Variants in GRM4 observed in about 807,000 individuals in gnomAD.
GRM4 encodes the protein glutamate metabotropic receptor 4.
In GRM4, 28 loss-of-function variants were observed where a neutral mutation model predicts 81.7. The observed-to-expected ratio is 0.34, with a 90% CI of 0.25 to 0.47. GRM4 has a LOEUF of 0.47. GRM4 is among the 20% of genes least tolerant of loss of function. The pLI, the probability that GRM4 is intolerant of heterozygous loss-of-function variation, is 1.00. For missense variants in GRM4, 948 were observed against 1,290.0 expected (o/e 0.73, Z 4.06); for synonymous variants, 488 against 528.8 (o/e 0.92, Z 1.06).
chr6:34,071,374 C>G (rs9461952), intron 3 of GRM4, among the ~76,000 whole-genome samples: 50,188 of 107,770 alleles, frequency 0.47, 13,332 homozygotes, highest in African/African-American at 0.77. Context: ...TCACCACACA[C>G]ATACACACCA....
rs561823049 is a variant in GRM4 at position 34,064,591 on chromosome 6, C to T, written c.737-2563G>A. Among the ~76,000 whole-genome samples the T allele has an allele frequency of 2.0e-5, 3 of 152,278 alleles. No homozygotes were observed. Among genetic ancestry groups the T allele is most frequent in the Admixed American group, 6.5e-5 (1 of 15,306 alleles). ...CCCCCAGGATGAGAAACCAAGTGCC[C>T]GTGGGTTCCCTCTGTTTCACAGCCC... is the stretch of plus-strand genomic sequence containing the variant. On this transcript the variant is annotated intron_variant, in intron 3 of 10. Transcript: ENST00000538487. The surrounding 1 kb of genome is among the most constrained non-coding windows in gnomAD (Gnocchi z 4.4).
chr6:34,058,047 G>A (rs577249358), intron 5 of GRM4, among the ~76,000 whole-genome samples: 10 of 152,296 alleles, frequency 6.6e-5, no homozygotes, highest in African/African-American at 2.2e-4. Flanking sequence ...TGAGAGGACC[G>A]GGGCTGGGCA....
At chr6:34,044,997 AAC>A (rs578082963) in intron 6 of GRM4, among the ~76,000 whole-genome samples, 52 of 151,844 alleles carry the variant, frequency 3.4e-4, no homozygotes, top group African/African-American at 1.1e-3. Flanking sequence ...CACTGAAATA[AAC>A]ACACACACAC....
Position 34,069,210 on chromosome 6 carries a change from G to GCA in GRM4, c.737-7184_737-7183dup, listed in dbSNP as rs1334023312. 3.6e-5 allele frequency among the ~76,000 whole-genome samples: 5 copies of GCA among 137,802 alleles called. No individual in the cohort carries two copies. Among genetic ancestry groups the GCA allele is most frequent in the South Asian group, 4.6e-4 (2 of 4,336 alleles). The allele number at this position is 137,802 out of a possible 152,430, so 90.4% of individuals were successfully genotyped here. ...CACACACACACACACACACACGCAC[G>GCA]CACACACGGCTCCTTCCTTCTGACT... On this transcript the variant is annotated intron_variant, in intron 3 of 10. Transcript: ENST00000538487. The surrounding 1 kb of genome is among the most constrained non-coding windows in gnomAD (Gnocchi z 6.4).
rs1205694848 is a variant in GRM4 at position 34,089,953 on chromosome 6, A to G, written c.736+1930T>C. On this transcript the variant is annotated intron_variant, in intron 3 of 10. Transcript: ENST00000538487. The surrounding 1 kb of genome is among the most constrained non-coding windows in gnomAD (Gnocchi z 4.3). ...AATGACAGAAGACAGAGAAGACAAG[A>G]GTACAGAAACAGATGAGACCTCTAG... Among the ~76,000 whole-genome samples, 1 of 152,184 alleles carries G rather than the reference A, an allele frequency of 6.6e-6. No individual in the cohort carries two copies. Among genetic ancestry groups the G allele is most frequent in the East Asian group, 1.9e-4 (1 of 5,190 alleles).
chr6:34,055,286 C>T (rs1765812883), intron 6 of GRM4: 1 of 152,234 alleles, frequency 6.6e-6, no homozygotes, highest in East Asian at 1.9e-4. Flanking sequence ...AAGTCATGTG[C>T]CACAGGTGTA....
At chr6:34,046,642 CA>C (rs1323914629) in intron 6 of GRM4, among the ~76,000 whole-genome samples, 2 of 152,206 alleles carry the variant, frequency 1.3e-5, no homozygotes, top group Non-Finnish European at 2.9e-5. Context: ...GGGCTGCTCT[CA>C]GGGGCATGAG....
intron 2 of GRM4, among the ~76,000 whole-genome samples, chr6:34,117,095 T>C (rs1193412277): frequency 6.6e-6 from 1 of 152,188 alleles, no homozygotes; most frequent in African/African-American, 2.4e-5. Context: ...AATGCATTTA[T>C]AAAAGTTCAA....
At chr6:34,031,005 C>T (rs1200363355) in intron 9 of GRM4, among the ~76,000 whole-genome samples, 2 of 152,166 alleles carry the variant, frequency 1.3e-5, no homozygotes, top group African/African-American at 4.8e-5. Context: ...ACCATGGGAG[C>T]CTGCCTCTGG....
At chr6:34,087,216 C>T (rs1390072977) in intron 3 of GRM4, among the ~76,000 whole-genome samples, 2 of 151,298 alleles carry the variant, frequency 1.3e-5, no homozygotes, top group African/African-American at 2.4e-5. Context: ...GTCAGGGATT[C>T]GAGACCAACC....
intron 6 of GRM4, chr6:34,056,088 CTT>C (rs1765856791): frequency 6.4e-6 from 1 of 156,472 alleles, no homozygotes. Flanking sequence ...CCATTGGACT[CTT>C]TCTTCACTGC....
intron 6 of GRM4, chr6:34,056,251 GGTCA>G (rs1298661092): frequency 5.0e-6 from 2 of 396,842 alleles, no homozygotes; most frequent in Admixed American, 7.9e-5. Context: ...GGTTAGGAGG[GGTCA>G]GTTCAGTGCT....
intron 1 of GRM4, among the ~76,000 whole-genome samples, chr6:34,143,911 C>T (rs777031459): frequency 4.6e-5 from 7 of 152,238 alleles, no homozygotes; most frequent in Non-Finnish European, 1.0e-4. Flanking sequence ...ATGCCCCTCC[C>T]TCCCTGTCAC....
At chr6:34,155,164 T>G in exon 1 of GRM4, 1 of 1,535,364 alleles carries the variant, frequency 6.5e-7, no homozygotes, top group South Asian at 1.2e-5. Context: ...CCCCTCGGAT[T>G]CGTGCGCGGC....
intron 2 of GRM4, among the ~76,000 whole-genome samples, chr6:34,113,167 ATTTC>A (rs1319088463): frequency 1.0e-5 from 1 of 97,974 alleles, no homozygotes; most frequent in African/African-American, 4.1e-5. Context: ...CTTTCTTTTC[ATTTC>A]TTTCTATTTT....
At chr6:34,155,197 A>G (rs1282961480) in exon 1 of GRM4, 2 of 1,535,700 alleles carry the variant, frequency 1.3e-6, no homozygotes, top group South Asian at 2.4e-5. Context: ...CTCTCCTGGC[A>G]GGGAGGGGCC....
rs949801987 is a variant in GRM4, at chr6:34,103,498, G to A, written c.520-11399C>T. On this transcript the variant is annotated intron_variant, in intron 2 of 10. Coordinates refer to ENST00000538487, the MANE Select transcript of GRM4 (RefSeq NM_000841.4). ...GCCCGAGAGAGCAGGCGGGGGCGGC[G>A]GGCGAGGGAGAGCAAACGCGATCCT... The A allele has an allele frequency of 4.2e-5, 46 of 1,092,622 alleles. No homozygotes were observed. In the East Asian group the frequency reaches 4.9e-4, roughly 12 times the overall value. 67.7% of individuals were successfully genotyped at this position (1,092,622 alleles called of 1,614,324 possible).
intron 7 of GRM4, 104 bp from the exon 8 acceptor site, chr6:34,040,418 C>A (rs986703999): frequency 3.9e-5 from 57 of 1,450,220 alleles, no homozygotes; most frequent in Non-Finnish European, 5.1e-5. Flanking sequence ...ATGGAACATT[C>A]TGGGAGATTT....
intron 2 of GRM4, among the ~76,000 whole-genome samples, chr6:34,107,296 G>A (rs1224719424): frequency 6.6e-6 from 1 of 152,142 alleles, no homozygotes; most frequent in Non-Finnish European, 1.5e-5. Flanking sequence ...CCCCTGGCAA[G>A]GGGGGAGAGG....
Sources: allele counts gnomAD v4.1 joint callset (sites outside exome capture counted in the v4.1 genomes callset), GRCh38; gene constraint gnomAD v4.1.1; non-coding constraint Gnocchi (gnomAD v3.1); transcripts MANE v1.5; gene names NCBI Gene and HGNC (gene_info 2026-07-23, HGNC 2026-07-21).